Variants in DMD observed in about 807,000 individuals in gnomAD.
DMD encodes the protein dystrophin, also known as mutant dystrophin.
DMD carries 63 observed loss-of-function variants against 330.1 expected under a neutral mutation model. That is an observed-to-expected ratio of 0.19 (90% CI 0.16 to 0.24). The LOEUF (loss-of-function observed/expected upper bound fraction) is 0.24, where lower values mean the gene tolerates loss of function less well. Ranked by LOEUF, DMD falls within the 10% of genes least tolerant of loss-of-function variation. The pLI, the probability that DMD is intolerant of heterozygous loss-of-function variation, is 1.00. For synonymous variants in DMD, 1,223 were observed against 959.8 expected, an observed-to-expected ratio of 1.27 and a Z score of -5.07; for missense variants, 3,344 against 2,684.1, an observed-to-expected ratio of 1.25 and a Z score of -5.43.
At chrX:33,079,127 T>A (rs1188393910) in intron 1 of DMD, among the ~76,000 whole-genome samples, 4 of 111,321 alleles carry the variant, frequency 3.6e-5, no homozygotes, top group African/African-American at 1.3e-4. Context: ...GCCTCCTAGG[T>A]TCAAGCGATT....
At chrX:33,334,313 G>T (rs769890365) in intron 1 of DMD, among the ~76,000 whole-genome samples, 47 of 111,641 alleles carry the variant, frequency 4.2e-4, no homozygotes, top group African/African-American at 1.4e-3. Flanking sequence ...AGTAGTATGG[G>T]TGGTTACAAT....
At chrX:32,337,555 T>A (rs918734563) in intron 41 of DMD, among the ~76,000 whole-genome samples, 1 of 110,572 alleles carries the variant, frequency 9.0e-6, no homozygotes, top group Non-Finnish European at 1.9e-5. Context: ...GTCATGTATG[T>A]ATACATATTT....
At chrX:33,129,016 C>A (rs2095481595) in intron 1 of DMD, 1 of 112,164 alleles carries the variant, frequency 8.9e-6, no homozygotes, top group Non-Finnish European at 1.9e-5. Context: ...AAGGAATAAT[C>A]CGTATAACTT....
At chrX:31,921,852 C>G (rs1183345409) in intron 47 of DMD, among the ~76,000 whole-genome samples, 2 of 111,629 alleles carry the variant, frequency 1.8e-5, no homozygotes, top group Non-Finnish European at 3.8e-5. Context: ...ATCATTAATG[C>G]CTGCAGTAAA....
At chrX:31,632,847 A>G (rs887070830) in intron 54 of DMD, among the ~76,000 whole-genome samples, 4 of 111,984 alleles carry the variant, frequency 3.6e-5, no homozygotes, top group Non-Finnish European at 7.5e-5. Context: ...GGAAGCTAGA[A>G]TTTTGTCACC....
rs146547610 is a variant in DMD, at chrX:31,240,849, A to G, written c.9287-17728T>C. On this transcript the variant is annotated intron_variant, in intron 63 of 78. Coordinates refer to ENST00000357033, the MANE Select transcript of DMD (RefSeq NM_004006.3). The stretch of plus-strand genomic sequence containing the variant: ...AGGAAACCAAAGGCCTAAGAAGTAA[A>G]ATTCAAATCCATTTGACCCTAAAGC... 2.5e-3 allele frequency among the ~76,000 whole-genome samples: 284 copies of G among 111,892 alleles called. 5 individuals carry two copies. In the East Asian group the frequency reaches 0.054, roughly 21 times the overall value.
intron 30 of DMD, among the ~76,000 whole-genome samples, chrX:32,391,668 G>A (rs760336849): frequency 1.8e-5 from 2 of 111,677 alleles, no homozygotes; most frequent in Non-Finnish European, 1.9e-5. Flanking sequence ...GATATGTTTC[G>A]TGAACCTAGA....
At chrX:33,216,591 A>G (rs779467944) in intron 1 of DMD, among the ~76,000 whole-genome samples, 1 of 111,931 alleles carries the variant, frequency 8.9e-6, no homozygotes, top group South Asian at 3.7e-4. Context: ...TGTACCCCCG[A>G]TTCAAAATGA....
At chrX:32,578,032 G>A (rs940763218) in intron 13 of DMD, among the ~76,000 whole-genome samples, 17 of 112,284 alleles carry the variant, frequency 1.5e-4, no homozygotes, top group African/African-American at 5.2e-4. Context: ...GCAATTGGAA[G>A]ACTATATCCC....
chrX:32,550,582 A>G (rs1396678167), intron 16 of DMD, among the ~76,000 whole-genome samples: 2 of 111,002 alleles, frequency 1.8e-5, no homozygotes, highest in African/African-American at 6.5e-5. Context: ...AAGGAACGAG[A>G]AACAATAGCA....
intron 62 of DMD, among the ~76,000 whole-genome samples, chrX:31,311,248 G>T (rs1281930159): frequency 9.1e-6 from 1 of 110,380 alleles, no homozygotes; most frequent in African/African-American, 3.3e-5. Flanking sequence ...GATCTGTTCT[G>T]GAATGGGGGG....
intron 1 of DMD, among the ~76,000 whole-genome samples, chrX:33,112,279 A>G (rs759365916): frequency 9.0e-6 from 1 of 111,438 alleles, no homozygotes; most frequent in East Asian, 2.8e-4. Flanking sequence ...GTGTATGTAT[A>G]TAAGAAACAT....
chrX:33,186,845 T>C (rs1277301190), intron 1 of DMD, among the ~76,000 whole-genome samples: 2 of 111,651 alleles, frequency 1.8e-5, no homozygotes, highest in Non-Finnish European at 3.8e-5. Flanking sequence ...CTAACAATAA[T>C]GCCAATTAAA....
chrX:33,210,737 T>A (rs966542207), intron 1 of DMD, among the ~76,000 whole-genome samples: 2 of 111,635 alleles, frequency 1.8e-5, no homozygotes, highest in African/African-American at 6.5e-5. Context: ...ATTAAATCTT[T>A]ATCAATACTT....
intron 59 of DMD, among the ~76,000 whole-genome samples, chrX:31,457,378 G>A (rs2066259720): frequency 9.0e-6 from 1 of 111,257 alleles, no homozygotes; most frequent in African/African-American, 3.3e-5. Context: ...CTATTATTGG[G>A]TACCTATTAT....
chrX:31,555,748 T>C (rs1253793360), intron 55 of DMD, among the ~76,000 whole-genome samples: 2 of 112,207 alleles, frequency 1.8e-5, no homozygotes, highest in Non-Finnish European at 3.8e-5. Flanking sequence ...TTGGGAAGGC[T>C]GATGCAATAC....
chrX:32,404,014 C>G (rs951053047), intron 30 of DMD, among the ~76,000 whole-genome samples: 10 of 111,826 alleles, frequency 8.9e-5, no homozygotes, highest in African/African-American at 2.9e-4. Context: ...TTAATGAAAT[C>G]AAAAGCTCAA....
At chrX:33,146,947 C>G (rs2048062748) in intron 1 of DMD, among the ~76,000 whole-genome samples, 1 of 110,317 alleles carries the variant, frequency 9.1e-6, no homozygotes, top group South Asian at 3.9e-4. Context: ...CTCAGCCTCC[C>G]GAGTAGCTGG....
At chrX:32,470,286 T>C (rs747978741) in intron 22 of DMD, among the ~76,000 whole-genome samples, 1 of 111,480 alleles carries the variant, frequency 9.0e-6, no homozygotes, top group African/African-American at 3.2e-5. Context: ...GTCTCTGGTG[T>C]TTTTACAATG....
Sources: allele counts gnomAD v4.1 joint callset (sites outside exome capture counted in the v4.1 genomes callset), GRCh38; gene constraint gnomAD v4.1.1; transcripts MANE v1.5; gene names NCBI Gene and HGNC (gene_info 2026-07-23, HGNC 2026-07-21).